Variants in ABCG2 observed in about 807,000 individuals in gnomAD.
ABCG2 encodes the protein broad substrate specificity ATP-binding cassette transporter ABCG2.
A neutral mutation model predicts 73.5 loss-of-function variants in ABCG2; 80 were observed. That is an observed-to-expected ratio of 1.09 (90% confidence interval 0.91 to 1.31). The LOEUF is 1.31. Ranked by LOEUF, ABCG2 falls within the 50% of genes most tolerant of loss-of-function variation. The pLI is 0.00. For synonymous variants in ABCG2, 269 were observed against 282.4 expected (o/e 0.95, Z 0.48); for missense variants, 796 against 786.2 (o/e 1.01, Z -0.15).
chr4:88,230,122 A>T (rs1387925596), intron 1 of ABCG2, among the ~76,000 whole-genome samples: 2 of 149,594 alleles, frequency 1.3e-5, no homozygotes, highest in Non-Finnish European at 3.0e-5. Flanking sequence ...CCTTCCAAGT[A>T]GCTGGGATTA....
chr4:88,161,154 CA>C (rs1727283974), upstream of ABCG2, among the ~76,000 whole-genome samples: 1 of 126,870 alleles, frequency 7.9e-6, no homozygotes, highest in Non-Finnish European at 1.8e-5. Context: ...TCTCTACAAA[CA>C]ATTTTTTTTT....
At chr4:88,137,517 T>C (rs748762637) in intron 2 of ABCG2, among the ~76,000 whole-genome samples, 2 of 152,144 alleles carry the variant, frequency 1.3e-5, no homozygotes, top group Non-Finnish European at 2.9e-5. Context: ...AAATACCACG[T>C]TGAATGAGAC....
intron 1 of ABCG2, among the ~76,000 whole-genome samples, chr4:88,209,253 T>C (rs1729492882): frequency 7.3e-6 from 1 of 136,698 alleles, no homozygotes; most frequent in African/African-American, 2.8e-5. Context: ...GAGCTTGCAG[T>C]GAGCAGAGAT....
At chr4:88,122,133 C>A (rs1299736152) in intron 5 of ABCG2, among the ~76,000 whole-genome samples, 1 of 152,062 alleles carries the variant, frequency 6.6e-6, no homozygotes, top group Non-Finnish European at 1.5e-5. Flanking sequence ...TATTCCGGCC[C>A]ACATACTGTA....
chr4:88,135,990 A>G (rs1458369952), intron 2 of ABCG2, among the ~76,000 whole-genome samples: 1 of 152,194 alleles, frequency 6.6e-6, no homozygotes, highest in Non-Finnish European at 1.5e-5. Context: ...TCACTTTTTG[A>G]AATTTTACTA....
intron 5 of ABCG2, among the ~76,000 whole-genome samples, chr4:88,129,163 C>T (rs574784278): frequency 2.0e-4 from 30 of 152,256 alleles, no homozygotes; most frequent in African/African-American, 6.7e-4. Context: ...TAGGAGAGTT[C>T]ACTTTCTCTC....
chr4:88,204,313 C>T (rs367768186), intron 1 of ABCG2, among the ~76,000 whole-genome samples: 9 of 151,776 alleles, frequency 5.9e-5, no homozygotes, highest in South Asian at 2.1e-4. Context: ...CCCAGCTACT[C>T]GGGAGGCTGA....
rs747453638 is a variant in ABCG2, at chr4:88,139,975, T to G, written c.21A>C (p.Glu7Asp). ...TTCCTTGTGACACTGGGATAAAAAC[T>G]TCGACATTACTGGAAGACATCTGGA... MSSSNV[E>D]VFIPVSQGNT... The change falls in exon 2 of 16, where the codon GAA (glutamate) becomes GAC (aspartate). Residue 7 changes from glutamate to aspartate, a missense_variant. Physicochemically the swap from Glu to Asp is conservative, Grantham distance 45. Coordinates refer to ENST00000237612, the MANE Select transcript of ABCG2 (RefSeq NM_004827.3). The G allele has an allele frequency of 9.9e-6, 16 of 1,613,938 alleles. No homozygotes were observed. The highest frequency in any genetic ancestry group is 3.3e-4 in the Middle Eastern group (2 of 6,082).
intron 1 of ABCG2, among the ~76,000 whole-genome samples, chr4:88,217,468 C>T (rs1392158795): frequency 6.6e-6 from 1 of 152,144 alleles, no homozygotes; most frequent in Non-Finnish European, 1.5e-5. Flanking sequence ...CAAGACCAGC[C>T]TGGCCAATAT....
At chr4:88,215,326 T>A (rs149171992) in intron 1 of ABCG2, among the ~76,000 whole-genome samples, 2 of 152,286 alleles carry the variant, frequency 1.3e-5, no homozygotes, top group African/African-American at 4.8e-5. Flanking sequence ...AATCCTGGAC[T>A]CAATGATAGT....
intron 1 of ABCG2, among the ~76,000 whole-genome samples, chr4:88,229,978 C>CATT (rs61485563): frequency 0.051 from 7,288 of 143,530 alleles, 265 homozygotes; most frequent in African/African-American, 0.096. Context: ...TTCTGGCATG[C>CATT]ATTATTATTA....
chr4:88,226,671 T>C (rs1367945995), intron 1 of ABCG2: 1 of 152,398 alleles, frequency 6.6e-6, no homozygotes, highest in Non-Finnish European at 1.5e-5. Context: ...TGTGATAGCA[T>C]TAATATTCAA....
Position 88,182,309 on chromosome 4 carries a change from C to T in ABCG2, c.-19-42295G>A, listed in dbSNP as rs955375703. Among the ~76,000 whole-genome samples, 6 of 152,286 alleles carry T rather than the reference C, an allele frequency of 3.9e-5. No individual in the cohort carries two copies. In the South Asian group the frequency reaches 1.0e-3, roughly 26 times the overall value. ...ACTCCAATATGATAACAGCTGGAGACTTCAACACCCCACTCTCAGCATTGG... is the reference window on the plus strand; with the variant it reads ...ACTCCAATATGATAACAGCTGGAGATTTCAACACCCCACTCTCAGCATTGG... On this transcript the variant is annotated intron_variant, in intron 1 of 15. Coordinates refer to the ABCG2 transcript ENST00000515655.
intron 1 of ABCG2, among the ~76,000 whole-genome samples, chr4:88,218,562 T>G (rs913719467): frequency 1.3e-5 from 2 of 152,230 alleles, no homozygotes; most frequent in Non-Finnish European, 2.9e-5. Context: ...CAGTACACAC[T>G]GAACCCAATT....
At chr4:88,199,890 A>G (rs1477132965) in intron 1 of ABCG2, among the ~76,000 whole-genome samples, 1 of 151,904 alleles carries the variant, frequency 6.6e-6, no homozygotes, top group Non-Finnish European at 1.5e-5. Flanking sequence ...GGTCCCAACT[A>G]CTCCGGGAGG....
At chr4:88,217,619 G>T (rs981383119) in intron 1 of ABCG2, among the ~76,000 whole-genome samples, 2 of 151,436 alleles carry the variant, frequency 1.3e-5, no homozygotes, top group African/African-American at 4.9e-5. Flanking sequence ...CCAAGATCAC[G>T]CCACAGCACT....
At chr4:88,216,511 G>A (rs886319338) in intron 1 of ABCG2, among the ~76,000 whole-genome samples, 5 of 152,168 alleles carry the variant, frequency 3.3e-5, no homozygotes, top group East Asian at 1.9e-4. Context: ...AGGAAGCTAC[G>A]TGTGAGCTAA....
Position 88,191,322 on chromosome 4 carries a change from A to G in ABCG2, c.-20+39672T>C, listed in dbSNP as rs1728685183. 2.0e-5 allele frequency among the ~76,000 whole-genome samples: 3 copies of G among 151,424 alleles called. No individual in the cohort carries two copies. In the South Asian group the frequency reaches 6.2e-4, roughly 31 times the overall value. On this transcript the variant is annotated intron_variant, in intron 1 of 15. Coordinates refer to the ABCG2 transcript ENST00000515655. ...AATTTACAAAGACATTTCACCTAAG[A>G]TATATGAATGGCCAACAAGTACATG...
At chr4:88,113,022 A>T (rs1347479544) in intron 9 of ABCG2, among the ~76,000 whole-genome samples, 1 of 152,172 alleles carries the variant, frequency 6.6e-6, no homozygotes, top group Admixed American at 6.5e-5. Flanking sequence ...AGGTGTGAGG[A>T]TCACTTGAGC....
Sources: allele counts gnomAD v4.1 joint callset (sites outside exome capture counted in the v4.1 genomes callset), GRCh38; gene constraint gnomAD v4.1.1; transcripts MANE v1.5; gene names NCBI Gene and HGNC (gene_info 2026-07-23, HGNC 2026-07-21).